The following ROBO2 variants were observed in gnomAD, a reference collection of about 807,000 sequenced individuals.
The protein encoded by ROBO2 is roundabout guidance receptor 2.
Under a neutral mutation model 160.8 loss-of-function variants are expected in ROBO2, and 53 were observed. The ratio of observed to expected loss-of-function variants is 0.33; its 90% CI spans 0.26 to 0.41. ROBO2 has a LOEUF of 0.41. Among genes scored for constraint, ROBO2 ranks in the 10% least tolerant of loss-of-function variants. The pLI is 1.00. For synonymous variants in ROBO2, 664 were observed against 611.7 expected (o/e 1.09, Z -1.26); for missense variants, 1,577 against 1,722.4 (o/e 0.92, Z 1.49).
At position 77,237,039 on chromosome 3, in the gene ROBO2, C is replaced by CT. The variant is rs769575655; in HGVS notation, c.388+138704dup. 8.5e-5 allele frequency among the ~76,000 whole-genome samples: 13 copies of CT among 152,122 alleles called. 1 individual carries two copies. The highest frequency in any genetic ancestry group is 6.6e-4 in the Admixed American group (10 of 15,250). The stretch of plus-strand genomic sequence containing the variant: ...CAGGCACATGCCACCATGCCCAGTG[C>CT]TTTTTAAATTTTGTATAGAGTCACT... On this transcript the variant is annotated intron_variant, in intron 2 of 25. Coordinates refer to ENST00000461745, the Ensembl canonical transcript of ROBO2.
chr3:77,316,141 T>C (rs549499426), intron 2 of ROBO2, among the ~76,000 whole-genome samples: 21 of 152,328 alleles, frequency 1.4e-4, no homozygotes, highest in Non-Finnish European at 2.4e-4. Flanking sequence ...TTTCTTACTC[T>C]GGTGCAAGGA....
intron 2 of ROBO2, among the ~76,000 whole-genome samples, chr3:76,738,522 A>C (rs1467745698): frequency 1.3e-5 from 2 of 152,148 alleles, no homozygotes; most frequent in Non-Finnish European, 2.9e-5. Flanking sequence ...AGACATCGCC[A>C]CTTGTCCCCT....
chr3:76,058,065 C>T (rs1221499512), intron 2 of ROBO2, among the ~76,000 whole-genome samples: 1 of 151,050 alleles, frequency 6.6e-6, no homozygotes, highest in African/African-American at 2.4e-5. Flanking sequence ...TTATAAGGTT[C>T]AGAATTGTAC....
chr3:76,473,144 G>A (rs2078756305), intron 2 of ROBO2, among the ~76,000 whole-genome samples: 2 of 151,960 alleles, frequency 1.3e-5, no homozygotes, highest in African/African-American at 4.8e-5. Context: ...GACTCCCACG[G>A]GCATTTACAG....
In ROBO2 at chr3:75,911,559, T is replaced by C. The variant is rs1181926360; in HGVS notation, c.-14+4599T>C. Among the ~76,000 whole-genome samples, 250 of 129,454 alleles carry C rather than the reference T, an allele frequency of 1.9e-3. 3 individuals carry two copies. The highest frequency in any genetic ancestry group is 7.6e-3 in the South Asian group (31 of 4,090). 84.9% of individuals were successfully genotyped at this position (129,454 alleles called of 152,430 possible). A position where few individuals can be genotyped will look rare whatever the true frequency, so the allele number is the denominator to read the frequency against. Reference sequence around the variant, plus strand: ...CTTTCTGAAGCCTTGTTTCTTTTTTTTTTTTTTTTTTTTTTTGAGACGGAG... The same window carrying C: ...CTTTCTGAAGCCTTGTTTCTTTTTTCTTTTTTTTTTTTTTTTGAGACGGAG... On this transcript the variant is annotated intron_variant, in intron 1 of 26. Transcript: ENST00000487694.
At chr3:76,897,461 A>G (rs2074885073) in intron 2 of ROBO2, among the ~76,000 whole-genome samples, 1 of 152,140 alleles carries the variant, frequency 6.6e-6, no homozygotes, top group Non-Finnish European at 1.5e-5. Context: ...AGATATTGAC[A>G]TCAATACCAA....
intron 2 of ROBO2, among the ~76,000 whole-genome samples, chr3:76,776,809 G>C (rs2062296566): frequency 6.6e-6 from 1 of 150,892 alleles, no homozygotes; most frequent in Non-Finnish European, 1.5e-5. Flanking sequence ...AATCACCCTA[G>C]TTAAACTTTC....
chr3:77,506,633 C>T (rs907266109), intron 5 of ROBO2, among the ~76,000 whole-genome samples: 5 of 151,936 alleles, frequency 3.3e-5, no homozygotes, highest in African/African-American at 1.2e-4. Context: ...TGCGGCTAAA[C>T]GTCTTACTAT....
chr3:77,318,906 A>T (rs1447486918), intron 2 of ROBO2, among the ~76,000 whole-genome samples: 2 of 152,146 alleles, frequency 1.3e-5, no homozygotes, highest in Non-Finnish European at 2.9e-5. Context: ...GGTCATCATG[A>T]TTGCTTTAGT....
intron 2 of ROBO2, among the ~76,000 whole-genome samples, chr3:76,503,223 C>A (rs767841009): frequency 6.6e-6 from 1 of 152,108 alleles, no homozygotes; most frequent in Non-Finnish European, 1.5e-5. Context: ...CTAGGCCCGT[C>A]TCTCCTTTTC....
intron 5 of ROBO2, among the ~76,000 whole-genome samples, chr3:77,506,634 G>A (rs560863259): frequency 3.3e-5 from 5 of 152,088 alleles, no homozygotes; most frequent in South Asian, 2.1e-4. Flanking sequence ...GCGGCTAAAC[G>A]TCTTACTATG....
At chr3:76,002,882 A>G (rs963623127) in intron 2 of ROBO2, among the ~76,000 whole-genome samples, 1 of 152,184 alleles carries the variant, frequency 6.6e-6, no homozygotes, top group Non-Finnish European at 1.5e-5. Flanking sequence ...ACTCTGAGAC[A>G]GTACACTTCT....
chr3:77,202,017 C>T (rs2082958261), intron 2 of ROBO2, among the ~76,000 whole-genome samples: 1 of 152,022 alleles, frequency 6.6e-6, no homozygotes, highest in South Asian at 2.1e-4. Flanking sequence ...TATATACAAG[C>T]TATTTAGAGC....
intron 1 of ROBO2, among the ~76,000 whole-genome samples, chr3:77,066,755 G>A (rs1032801809): frequency 1.3e-5 from 2 of 151,990 alleles, no homozygotes; most frequent in African/African-American, 4.8e-5. Flanking sequence ...TAAAGAATTT[G>A]TAGGGAATGA....
intron 2 of ROBO2, among the ~76,000 whole-genome samples, chr3:76,966,511 T>C (rs897864677): frequency 7.2e-5 from 11 of 152,178 alleles, no homozygotes; most frequent in Admixed American, 6.5e-4. Context: ...CTGTGTAACA[T>C]TGGAGTCTTA....
intron 2 of ROBO2, among the ~76,000 whole-genome samples, chr3:76,645,619 C>G (rs1251354273): frequency 1.3e-5 from 2 of 152,068 alleles, no homozygotes; most frequent in African/African-American, 2.4e-5. Flanking sequence ...AGGGAGAGGA[C>G]TGTTATCTGA....
intron 2 of ROBO2, among the ~76,000 whole-genome samples, chr3:76,778,684 T>C (rs1189923369): frequency 6.6e-6 from 1 of 151,116 alleles, no homozygotes; most frequent in African/African-American, 2.4e-5. Flanking sequence ...TATTACAATG[T>C]ATAGGCAATC....
At chr3:76,465,292 G>A (rs957698333) in intron 2 of ROBO2, among the ~76,000 whole-genome samples, 1 of 151,982 alleles carries the variant, frequency 6.6e-6, no homozygotes, top group Non-Finnish European at 1.5e-5. Flanking sequence ...CATGTATCAT[G>A]AGTTATGTTA....
intron 21 of ROBO2, among the ~76,000 whole-genome samples, chr3:77,612,504 A>G (rs913101985): frequency 2.6e-5 from 4 of 151,990 alleles, no homozygotes; most frequent in Non-Finnish European, 5.9e-5. Context: ...CTTTTCTTTT[A>G]TCTCATTTTC....
Sources: allele counts gnomAD v4.1 joint callset (sites outside exome capture counted in the v4.1 genomes callset), GRCh38; gene constraint gnomAD v4.1.1; transcripts MANE v1.5; gene names NCBI Gene and HGNC (gene_info 2026-07-23, HGNC 2026-07-21).